Variants in CPPED1 observed in about 807,000 individuals in gnomAD.
The protein encoded by CPPED1 is serine/threonine-protein phosphatase CPPED1.
A neutral mutation model predicts 28.0 loss-of-function variants in CPPED1; 28 were observed. That is an observed-to-expected ratio of 1.00 (90% confidence interval 0.74 to 1.37). The LOEUF (loss-of-function observed/expected upper bound fraction) is 1.37, where lower values mean the gene tolerates loss of function less well. Ranked by LOEUF, CPPED1 falls within the 40% of genes most tolerant of loss-of-function variation. The probability of loss-of-function intolerance (pLI) is 0.00; values close to 1 mark genes in which losing one functional copy is unlikely to be tolerated. For synonymous variants in CPPED1, 198 were observed against 180.2 expected, an observed-to-expected ratio of 1.10 and a Z score of -0.79; for missense variants, 504 against 416.5, an observed-to-expected ratio of 1.21 and a Z score of -1.83.
intron 2 of CPPED1, among the ~76,000 whole-genome samples, chr16:12,775,456 G>A (rs2080492437): frequency 6.6e-6 from 1 of 152,024 alleles, no homozygotes; most frequent in Non-Finnish European, 1.5e-5. Flanking sequence ...TATGCAAAAT[G>A]CTTGGGACCA....
chr16:12,769,762 A>G (rs1387945950), intron 2 of CPPED1, among the ~76,000 whole-genome samples: 1 of 152,146 alleles, frequency 6.6e-6, no homozygotes, highest in Non-Finnish European at 1.5e-5. Context: ...AAATCTGAGC[A>G]CAGACAGCCC....
rs548215519 is a variant in CPPED1, at chr16:12,718,314, G to A, written c.290-13265C>T. 1.3e-4 allele frequency among the ~76,000 whole-genome samples: 20 copies of A among 152,218 alleles called. No individual in the cohort carries two copies. The East Asian group carries it at 1.4e-3, about 10-fold the overall frequency. ...AGCACTTTGGCAGGCCAAGGCGGGC[G>A]GATCATTTGAGGTCAGGAGTTCGAG... On this transcript the variant is annotated intron_variant, in intron 2 of 3. Transcript: ENST00000381774.
At chr16:12,696,438 C>CTTTTT (rs1180336228) in intron 3 of CPPED1, among the ~76,000 whole-genome samples, 6 of 120,716 alleles carry the variant, frequency 5.0e-5, no homozygotes, top group East Asian at 4.5e-4. Context: ...AAGTGACTTT[C>CTTTTT]TTTTTTTTTT....
intron 2 of CPPED1, among the ~76,000 whole-genome samples, chr16:12,770,370 C>T (rs1030364845): frequency 1.3e-5 from 2 of 152,200 alleles, no homozygotes; most frequent in Non-Finnish European, 1.5e-5. Context: ...CCTGGCGTTA[C>T]TGCAAGATTA....
At chr16:12,718,868 C>G (rs1290654931) in intron 2 of CPPED1, among the ~76,000 whole-genome samples, 2 of 152,114 alleles carry the variant, frequency 1.3e-5, no homozygotes, top group African/African-American at 4.8e-5. Flanking sequence ...TAGGCTGAGG[C>G]AGGAGAATCA....
intron 3 of CPPED1, among the ~76,000 whole-genome samples, chr16:12,677,832 T>C (rs1223879599): frequency 1.3e-5 from 2 of 152,196 alleles, no homozygotes; most frequent in Admixed American, 1.3e-4. Context: ...TGGAACTTAA[T>C]TGACCTGGGT....
intron 1 of CPPED1, among the ~76,000 whole-genome samples, chr16:12,798,080 T>C (rs2080638190): frequency 6.6e-6 from 1 of 151,944 alleles, no homozygotes; most frequent in Admixed American, 6.6e-5. Context: ...CAAGACCACC[T>C]CAAAAGAAAT....
chr16:12,708,072 G>A (rs562877346), intron 2 of CPPED1, among the ~76,000 whole-genome samples: 23 of 152,242 alleles, frequency 1.5e-4, no homozygotes, highest in African/African-American at 5.3e-4. Context: ...GCTTGAACCC[G>A]GGAGGCAGAG....
At chr16:12,706,506 C>T (rs1365277275) in intron 2 of CPPED1, among the ~76,000 whole-genome samples, 3 of 149,278 alleles carry the variant, frequency 2.0e-5, no homozygotes, top group South Asian at 2.1e-4. Flanking sequence ...TCCTTCCTCC[C>T]TTCCTTCTTT....
At chr16:12,773,832 ACT>A (rs1386130826) in intron 2 of CPPED1, among the ~76,000 whole-genome samples, 1 of 152,184 alleles carries the variant, frequency 6.6e-6, no homozygotes, top group Non-Finnish European at 1.5e-5. Context: ...GCGATTCCTG[ACT>A]CTCAATTTAC....
At chr16:12,764,388 G>C (rs1001545550) in intron 2 of CPPED1, among the ~76,000 whole-genome samples, 1 of 151,972 alleles carries the variant, frequency 6.6e-6, no homozygotes. Flanking sequence ...ATTTTTTGTA[G>C]AGAGGGGTTT....
chr16:12,669,121 C>G (rs2079840964), intron 3 of CPPED1, among the ~76,000 whole-genome samples: 1 of 152,140 alleles, frequency 6.6e-6, no homozygotes, highest in South Asian at 2.1e-4. Context: ...ATGTGGTCTA[C>G]CCATACAATG....
intron 2 of CPPED1, among the ~76,000 whole-genome samples, chr16:12,777,155 A>G (rs1198506349): frequency 6.6e-6 from 1 of 152,238 alleles, no homozygotes; most frequent in Non-Finnish European, 1.5e-5. Flanking sequence ...TAGTTGCCCA[A>G]GTGCAGCTGA....
chr16:12,695,060 G>A lies in CPPED1; in HGVS notation c.715+9564C>T, dbSNP rs371916846. On this transcript the variant is annotated intron_variant, in intron 3 of 3. Coordinates refer to ENST00000381774, the MANE Select transcript of CPPED1 (RefSeq NM_018340.3). The stretch of plus-strand genomic sequence containing the variant: ...CCCAAAGGACTGGTATTACAGGCAT[G>A]AGCCACCACACTCAGCCTAAAAATT... 2.6e-5 allele frequency among the ~76,000 whole-genome samples: 4 copies of A among 152,260 alleles called. 1 individual carries two copies. The highest frequency in any genetic ancestry group is 9.6e-5 in the African/African-American group (4 of 41,544).
intron 3 of CPPED1, among the ~76,000 whole-genome samples, chr16:12,694,875 T>C (rs552799550): frequency 5.3e-5 from 8 of 152,176 alleles, no homozygotes; most frequent in African/African-American, 1.7e-4. Flanking sequence ...CCTCCCAGCT[T>C]CAAGCGATTC....
At chr16:12,777,869 TA>T (rs5815718) in intron 2 of CPPED1, among the ~76,000 whole-genome samples, 37,621 of 147,014 alleles carry the variant, frequency 0.26, 4,942 homozygotes, top group East Asian at 0.3. Flanking sequence ...TTACTTTCAT[TA>T]AAAAAAAAAT....
At position 12,662,371 on chromosome 16, in the gene CPPED1, A is replaced by C. The variant is rs2141161024; in HGVS notation, c.*2515T>G. On this transcript the variant is annotated 3_prime_UTR_variant, in exon 4 of 4. Transcript: ENST00000381774. ...TAAAAAGTGGTGAGAAATTAATATG[A>C]TTCTCTCTTCCCTTTTAAAAAATTA... 6.6e-6 allele frequency: 1 copy of C among 152,304 alleles called. No individual in the cohort carries two copies. Among genetic ancestry groups the C allele is most frequent in the Middle Eastern group, 3.4e-3 (1 of 294 alleles). The allele number at this position is 152,304 out of a possible 1,614,324, so 9.4% of individuals were successfully genotyped here. A position where few individuals can be genotyped will look rare whatever the true frequency, so the allele number is the denominator to read the frequency against.
chr16:12,795,294 C>G (rs1687094627), intron 1 of CPPED1, among the ~76,000 whole-genome samples: 1 of 152,130 alleles, frequency 6.6e-6, no homozygotes, highest in Non-Finnish European at 1.5e-5. Context: ...ACCTCTGCCT[C>G]TAGATGCTCT....
At chr16:12,679,665 G>A (rs1407293522) in intron 3 of CPPED1, among the ~76,000 whole-genome samples, 6 of 152,062 alleles carry the variant, frequency 3.9e-5, no homozygotes, top group African/African-American at 1.4e-4. Flanking sequence ...TTCAGGATAT[G>A]CTGCCCTATT....
Sources: gnomAD v4.1 joint callset for allele counts (sites outside exome capture counted in the v4.1 genomes callset) on GRCh38, gnomAD v4.1.1 for gene constraint, MANE v1.5 for transcripts, NCBI Gene and HGNC (gene_info 2026-07-23, HGNC 2026-07-21) for gene names.